GFM1: variants seen among roughly 807,000 people sequenced by gnomAD.
The protein encoded by GFM1 is G elongation factor mitochondrial 1.
A neutral mutation model predicts 96.2 loss-of-function variants in GFM1; 62 were observed. The observed-to-expected ratio is 0.64, with a 90% CI of 0.53 to 0.80. The LOEUF is 0.80. Ranked by LOEUF, GFM1 falls within the 30% of genes least tolerant of loss-of-function variation. The pLI is 0.00. For synonymous variants in GFM1, 282 were observed against 312.9 expected, an observed-to-expected ratio of 0.90 and a Z score of 1.04; for missense variants, 852 against 916.6, an observed-to-expected ratio of 0.93 and a Z score of 0.91.
chr3:158,662,762 ATATCTTG>A, intron 11 of GFM1, 78 bp downstream of exon 11: 3 of 844,282 alleles, frequency 3.6e-6, no homozygotes, highest in Middle Eastern at 2.8e-4. Context: ...AATGCACTTG[ATATCTTG>A]TAATAACCAG....
intron 6 of GFM1, 124 bp downstream of exon 6, chr3:158,652,370 C>T: frequency 2.4e-6 from 2 of 825,452 alleles, no homozygotes; most frequent in Non-Finnish European, 3.9e-6. Context: ...ATTTATTTAA[C>T]ATAATTGGCT....
chr3:158,654,509 T>C, intron 7 of GFM1, 38 bp from the exon 8 acceptor site: 1 of 1,194,446 alleles, frequency 8.4e-7, no homozygotes, highest in Non-Finnish European at 1.2e-6. Context: ...AAATATCATA[T>C]ATTACATCTC....
intron 13 of GFM1, among the ~76,000 whole-genome samples, chr3:158,673,518 T>C (rs907438086): frequency 3.4e-5 from 5 of 147,870 alleles, no homozygotes; most frequent in Non-Finnish European, 7.5e-5. Context: ...CTTTTTTTTT[T>C]TTTTTTTTTT....
chr3:158,683,451 A>T lies in GFM1; in HGVS notation c.1765-1073A>T, dbSNP rs548852538. 4.6e-5 allele frequency among the ~76,000 whole-genome samples: 7 copies of T among 152,358 alleles called. No homozygotes were observed. The South Asian group carries it at 1.4e-3, about 32-fold the overall frequency. ...CAAATGGTACTCTTTAAATATGTGCAGTTTATTGTATATCAATTATACTTC... is the reference window on the plus strand; with the variant it reads ...CAAATGGTACTCTTTAAATATGTGCTGTTTATTGTATATCAATTATACTTC... On this transcript the variant is annotated intron_variant, in intron 14 of 17. Coordinates refer to ENST00000486715, the MANE Select transcript of GFM1 (RefSeq NM_024996.7).
intron 13 of GFM1, among the ~76,000 whole-genome samples, chr3:158,670,492 CT>C (rs1179853925): frequency 6.6e-6 from 1 of 152,108 alleles, no homozygotes; most frequent in African/African-American, 2.4e-5. Flanking sequence ...AGTGTATAGT[CT>C]TTTTTTGTGT....
Position 158,691,726 on chromosome 3 carries a change from C to A in GFM1, c.*259C>A. On this transcript the variant is annotated 3_prime_UTR_variant, in exon 18 of 18. Coordinates refer to ENST00000486715, the MANE Select transcript of GFM1 (RefSeq NM_024996.7). Reference sequence around the variant, plus strand: ...ATCCTCAAATAAAATATAATTATTACTGAAATATGTTTAATATTTAAGGGG... The same window carrying A: ...ATCCTCAAATAAAATATAATTATTAATGAAATATGTTTAATATTTAAGGGG... 6.0e-6 allele frequency: 2 copies of A among 335,770 alleles called. No homozygotes were observed. The highest frequency in any genetic ancestry group is 3.2e-5 in the South Asian group (1 of 31,660). The allele number at this position is 335,770 out of a possible 1,614,324, so 20.8% of individuals were successfully genotyped here.
At chr3:158,661,487 G>A (rs1723191556) in intron 10 of GFM1, among the ~76,000 whole-genome samples, 1 of 152,162 alleles carries the variant, frequency 6.6e-6, no homozygotes, top group Non-Finnish European at 1.5e-5. Context: ...AAGGCAATAG[G>A]CAATATGCAA....
In GFM1 at chr3:158,644,716, G is replaced by C; in HGVS notation, c.81+1G>C. ...CTCCCTAGGCTGGCAGAGGAAGCAG[G>C]TACCGGAGCATAGAGAGGCTAAATC... On this transcript the variant is annotated splice_donor_variant, in intron 1 of 17. Transcript: ENST00000486715. LOFTEE classifies it high-confidence loss of function. 1 of 1,573,802 alleles carries C rather than the reference G, an allele frequency of 6.4e-7. No homozygotes were observed. The highest frequency in any genetic ancestry group is 8.6e-7 in the Non-Finnish European group (1 of 1,160,002).
chr3:158,645,786 A>T lies in GFM1; in HGVS notation c.234+5A>T. Reference sequence around the variant, plus strand: ...AGAATTGCAAAGATGCATGAGGTATATATTCACGGTTGATTCCGGATTAAT... The same window carrying T: ...AGAATTGCAAAGATGCATGAGGTATTTATTCACGGTTGATTCCGGATTAAT... On this transcript the variant is annotated splice_donor_5th_base_variant and intron_variant, in intron 2 of 17. Transcript: ENST00000486715. 1.2e-6 allele frequency: 2 copies of T among 1,606,980 alleles called. No individual in the cohort carries two copies. Among genetic ancestry groups the T allele is most frequent in the Non-Finnish European group, 8.5e-7 (1 of 1,173,504 alleles).
chr3:158,659,115 CCTT>C, intron 9 of GFM1, 56 bp downstream of exon 9: 1 of 1,585,526 alleles, frequency 6.3e-7, no homozygotes, highest in Admixed American at 1.7e-5. Context: ...TGAAATAGAC[CCTT>C]CTTGGTATCC....
rs146367444 is a variant in GFM1, at chr3:158,682,100, T to C, written c.1707T>C (p.Phe569=). 4 of 1,613,748 alleles carry C rather than the reference T, an allele frequency of 2.5e-6. No homozygotes were observed. Among genetic ancestry groups the C allele is most frequent in the Non-Finnish European group, 3.4e-6 (4 of 1,179,846 alleles). ...CAGAGGACTACACTAAATTGGAATT[T>C]TCAGATGAAACATTCGGATCAAATA... ...LDPEDYTKLE[F]SDETFGSNIP... The change falls in exon 14 of 18, where the codon TTT becomes TTC. Residue 569 remains phenylalanine (F), a synonymous_variant. Transcript: ENST00000486715.
At chr3:158,672,962 C>G (rs1724502800) in intron 13 of GFM1, among the ~76,000 whole-genome samples, 1 of 152,158 alleles carries the variant, frequency 6.6e-6, no homozygotes, top group African/African-American at 2.4e-5. Flanking sequence ...CATACTGGAG[C>G]ACAACTTCCT....
rs1271422765 is a variant in GFM1 at position 158,691,669 on chromosome 3, A to ACT, written c.*205_*206dup. Reference sequence around the variant, plus strand: ...CAAAGGTAATTCTATGTCTATCTCAACTCTATTGATTGGTTTTATAGTTCA... The same window carrying ACT: ...CAAAGGTAATTCTATGTCTATCTCAACTCTCTATTGATTGGTTTTATAGTTCA... On this transcript the variant is annotated 3_prime_UTR_variant, in exon 18 of 18. Transcript: ENST00000486715. 1 of 514,462 alleles carries ACT rather than the reference A, an allele frequency of 1.9e-6. No individual in the cohort carries two copies. Among genetic ancestry groups the ACT allele is most frequent in the Non-Finnish European group, 3.5e-6 (1 of 287,388 alleles). The allele number at this position is 514,462 out of a possible 1,614,324, so 31.9% of individuals were successfully genotyped here. A position where few individuals can be genotyped will look rare whatever the true frequency, so the allele number is the denominator to read the frequency against.
chr3:158,666,522 A>G, intron 13 of GFM1, 136 bp downstream of exon 13: 1 of 1,152,090 alleles, frequency 8.7e-7, no homozygotes, highest in Non-Finnish European at 1.3e-6. Flanking sequence ...AAAGTTCTAT[A>G]CTGTAATCAA....
chr3:158,685,607 G>A (rs1259908055), intron 15 of GFM1, among the ~76,000 whole-genome samples: 1 of 152,200 alleles, frequency 6.6e-6, no homozygotes, highest in African/African-American at 2.4e-5. Flanking sequence ...GTATGGGGCA[G>A]TGGTTGGGGA....
chr3:158,651,088 T>C (rs1214061584), intron 5 of GFM1: 2 of 151,330 alleles, frequency 1.3e-5, no homozygotes, highest in Non-Finnish European at 2.9e-5. Context: ...AAATATCATG[T>C]CAAGTATATC....
intron 15 of GFM1, among the ~76,000 whole-genome samples, chr3:158,685,811 C>A (rs990141513): frequency 1.3e-5 from 2 of 152,166 alleles, no homozygotes; most frequent in Non-Finnish European, 2.9e-5. Context: ...AGGCATCACT[C>A]ACATTAAAAT....
intron 1 of GFM1, 40 bp from the exon 2 acceptor site, chr3:158,645,589 A>C (rs1161888346): frequency 6.5e-7 from 1 of 1,543,882 alleles, no homozygotes; most frequent in South Asian, 1.1e-5. Context: ...GTTCTCTCTT[A>C]TAAAAGGTGC....
rs768863301 is a variant in GFM1 at position 158,691,498 on chromosome 3, T to C, written c.*31T>C. The C allele has an allele frequency of 4.3e-6, 7 of 1,611,506 alleles. No individual in the cohort carries two copies. The African/African-American group carries it at 6.7e-5, about 15-fold the overall frequency. ...CTTACTGTGAGTTGACTGACTCTAA[T>C]TGAATCTGCGTGGTTTTGATACTTT... On this transcript the variant is annotated 3_prime_UTR_variant, in exon 18 of 18. Transcript: ENST00000486715.
Sources: gnomAD v4.1 joint callset for allele counts (sites outside exome capture counted in the v4.1 genomes callset) on GRCh38, gnomAD v4.1.1 for gene constraint, MANE v1.5 for transcripts, NCBI Gene and HGNC (gene_info 2026-07-23, HGNC 2026-07-21) for gene names.